STARD13: variants seen among roughly 807,000 people sequenced by gnomAD.
STARD13 encodes stAR-related lipid transfer protein 13.
Under a neutral mutation model 106.4 loss-of-function variants are expected in STARD13, and 62 were observed. The ratio of observed to expected loss-of-function variants is 0.58; its 90% CI spans 0.48 to 0.72. STARD13 has a LOEUF of 0.72. Among genes scored for constraint, STARD13 ranks in the 30% least tolerant of loss-of-function variants. STARD13 has a pLI of 0.00. For missense variants in STARD13, 1,387 were observed against 1,424.0 expected, an observed-to-expected ratio of 0.97 and a Z score of 0.42; for synonymous variants, 565 against 553.0, an observed-to-expected ratio of 1.02 and a Z score of -0.31.
In STARD13 at chr13:33,118,210, T is replaced by C; in HGVS notation, c.2136A>G (p.Gln712=). 6.2e-7 allele frequency: 1 copy of C among 1,614,206 alleles called. No individual in the cohort carries two copies. The highest frequency in any genetic ancestry group is 8.5e-7 in the Non-Finnish European group (1 of 1,180,036). The part of the protein sequence containing the change: ...GVKSRIHALR[Q]MNENFPENVN... Reference sequence around the variant, plus strand: ...CGTTCTCAGGGAAGTTTTCATTCATTTGGCGAAGGGCATGGATTCGAGACT... The same window carrying C: ...CGTTCTCAGGGAAGTTTTCATTCATCTGGCGAAGGGCATGGATTCGAGACT... Residue 712 remains glutamine, a synonymous_variant, in exon 8 of 14, where the codon CAA becomes CAG. Transcript: ENST00000336934.
chr13:33,528,241 T>TAC, the STARD13 span, among the ~76,000 whole-genome samples: 12 of 130,516 alleles, frequency 9.2e-5, no homozygotes, highest in South Asian at 2.2e-4. Flanking sequence ...TATATATATA[T>TAC]ACATATATAT....
intron 1 of STARD13, among the ~76,000 whole-genome samples, chr13:33,311,096 C>A (rs151266396): frequency 6.6e-6 from 1 of 150,490 alleles, no homozygotes; most frequent in Non-Finnish European, 1.5e-5. Context: ...AAGTTTGAGA[C>A]CCACCTGGGC....
Position 33,104,773 on chromosome 13 carries a change from C to T in STARD13, c.*820G>A, listed in dbSNP as rs1041388336. ...TGATGGGCATGGGAGCGAGAGGTATCGCTTCTGTTTCAGTCACTCTCGCTG... is the reference window on the plus strand; with the variant it reads ...TGATGGGCATGGGAGCGAGAGGTATTGCTTCTGTTTCAGTCACTCTCGCTG... On this transcript the variant is annotated 3_prime_UTR_variant, in exon 14 of 14. Coordinates refer to ENST00000336934, the MANE Select transcript of STARD13 (RefSeq NM_178006.4). 5.9e-5 allele frequency: 9 copies of T among 153,140 alleles called. No individual in the cohort carries two copies. The highest frequency in any genetic ancestry group is 1.9e-4 in the African/African-American group (8 of 41,072). 9.5% of individuals were successfully genotyped at this position (153,140 alleles called of 1,614,324 possible).
At chr13:33,181,649 T>C (rs1436153538) in intron 1 of STARD13, among the ~76,000 whole-genome samples, 1 of 152,234 alleles carries the variant, frequency 6.6e-6, no homozygotes, top group African/African-American at 2.4e-5. Context: ...GTAAGCTCCA[T>C]ATGAAAATAA....
chr13:33,191,466 C>T (rs151106767), intron 1 of STARD13, among the ~76,000 whole-genome samples: 433 of 152,236 alleles, frequency 2.8e-3, no homozygotes, highest in African/African-American at 9.8e-3. Flanking sequence ...GTGTTGAAGT[C>T]GGTGACATTA....
chr13:33,307,723 G>C (rs1430829173), intron 1 of STARD13, among the ~76,000 whole-genome samples: 1 of 152,076 alleles, frequency 6.6e-6, no homozygotes, highest in Non-Finnish European at 1.5e-5. Flanking sequence ...TTAATACCTA[G>C]GTGATGGGTT....
rs182496969 is a variant in STARD13, at chr13:33,258,629, A to G, written c.169+26841T>C. 3.8e-3 allele frequency among the ~76,000 whole-genome samples: 585 copies of G among 152,370 alleles called. 3 individuals carry two copies. The highest frequency in any genetic ancestry group is 9.3e-3 in the South Asian group (45 of 4,830). ...AGAACCATTCTTGCAATTATTTTCA[A>G]TTAAATCTTTATGTGTAGTTTTTCT... On this transcript the variant is annotated intron_variant, in intron 1 of 13. Coordinates refer to ENST00000336934, the MANE Select transcript of STARD13 (RefSeq NM_178006.4).
chr13:33,241,734 G>A (rs1217988411), intron 1 of STARD13, among the ~76,000 whole-genome samples: 1 of 152,146 alleles, frequency 6.6e-6, no homozygotes, highest in African/African-American at 2.4e-5. Context: ...TGGAGATGGG[G>A]TTTCGCAGTG....
the STARD13 span, among the ~76,000 whole-genome samples, chr13:33,486,299 C>A: frequency 6.6e-6 from 1 of 151,994 alleles, no homozygotes; most frequent in South Asian, 2.1e-4. Flanking sequence ...AGCTTCAAAT[C>A]CTTTCTTTCC....
intron 7 of STARD13, among the ~76,000 whole-genome samples, chr13:33,121,451 C>T (rs965974404): frequency 2.0e-5 from 3 of 151,612 alleles, no homozygotes; most frequent in African/African-American, 7.3e-5. Flanking sequence ...GCCTGGAATC[C>T]CAGCTACTTG....
chr13:33,461,697 T>C, the STARD13 span, among the ~76,000 whole-genome samples: 4 of 152,200 alleles, frequency 2.6e-5, no homozygotes, highest in Non-Finnish European at 5.9e-5. Flanking sequence ...TAGTGATTTT[T>C]TACAGGGGAT....
the STARD13 span, among the ~76,000 whole-genome samples, chr13:33,560,548 A>G: frequency 6.6e-6 from 1 of 151,376 alleles, no homozygotes; most frequent in African/African-American, 2.5e-5. Flanking sequence ...GTGGGTCACA[A>G]TAAAGGAGCT....
chr13:33,261,185 T>C (rs574061858), intron 1 of STARD13, among the ~76,000 whole-genome samples: 2 of 152,370 alleles, frequency 1.3e-5, no homozygotes, highest in African/African-American at 4.8e-5. Context: ...TTTGCTCCCC[T>C]GAGAACACAG....
intron 1 of STARD13, among the ~76,000 whole-genome samples, chr13:33,198,549 C>T (rs1886799814): frequency 6.6e-6 from 1 of 152,154 alleles, no homozygotes; most frequent in Admixed American, 6.5e-5. Context: ...ACCCTTCTCC[C>T]TCACCTCCAT....
intron 1 of STARD13, among the ~76,000 whole-genome samples, chr13:33,244,706 C>G (rs1357405474): frequency 6.6e-6 from 1 of 152,092 alleles, no homozygotes; most frequent in Non-Finnish European, 1.5e-5. Context: ...AGAGAAAGGC[C>G]AAGCTGACAG....
At chr13:33,650,335 C>T in the STARD13 span, among the ~76,000 whole-genome samples, 2 of 148,536 alleles carry the variant, frequency 1.3e-5, no homozygotes, top group East Asian at 2.0e-4. Flanking sequence ...GGACTACAGG[C>T]GCCCGCCACT....
At chr13:33,118,313 G>A in intron 7 of STARD13, 50 bp from the exon 8 acceptor site, 2 of 1,466,920 alleles carry the variant, frequency 1.4e-6, no homozygotes, top group Non-Finnish European at 9.5e-7. Flanking sequence ...TTGGTTGTGA[G>A]GAGGAGGAGG....
intron 1 of STARD13, among the ~76,000 whole-genome samples, chr13:33,192,449 A>G (rs1886319014): frequency 6.6e-6 from 1 of 152,376 alleles, no homozygotes; most frequent in South Asian, 2.1e-4. Context: ...TGTGAAAGCC[A>G]TTCAATTGTT....
At chr13:33,456,638 CTG>C in the STARD13 span, among the ~76,000 whole-genome samples, 1 of 152,146 alleles carries the variant, frequency 6.6e-6, no homozygotes, top group African/African-American at 2.4e-5. Context: ...GTTTTCATTC[CTG>C]TGTCCTTCTC....
Sources: gnomAD v4.1 joint callset for allele counts (sites outside exome capture counted in the v4.1 genomes callset) on GRCh38, gnomAD v4.1.1 for gene constraint, MANE v1.5 for transcripts, NCBI Gene and HGNC (gene_info 2026-07-23, HGNC 2026-07-21) for gene names.